Variants in GRK4 observed in about 807,000 individuals in gnomAD.
GRK4 encodes G protein-coupled receptor kinase 2-like.
A neutral mutation model predicts 77.9 loss-of-function variants in GRK4; 73 were observed. The observed-to-expected ratio is 0.94, with a 90% CI of 0.78 to 1.14. The LOEUF is 1.14. Ranked by LOEUF, GRK4 falls within the 50% of genes most tolerant of loss-of-function variation. GRK4 has a pLI of 0.00. For synonymous variants in GRK4, 257 were observed against 254.4 expected, an observed-to-expected ratio of 1.01 and a Z score of -0.10; for missense variants, 729 against 700.2, an observed-to-expected ratio of 1.04 and a Z score of -0.46.
intron 7 of GRK4, among the ~76,000 whole-genome samples, chr4:3,012,267 G>A (rs1352919510): frequency 1.3e-5 from 2 of 152,130 alleles, no homozygotes; most frequent in Non-Finnish European, 1.5e-5. Flanking sequence ...AACATTTCAC[G>A]ATAGGAAAAT....
At chr4:2,971,129 T>C (rs1202008604) in intron 1 of GRK4, 1 of 152,218 alleles carries the variant, frequency 6.6e-6, no homozygotes, top group Non-Finnish European at 1.5e-5. Context: ...ACATTTACGG[T>C]ATTTTGTACA....
intron 12 of GRK4, among the ~76,000 whole-genome samples, chr4:3,031,839 C>A (rs746641764): frequency 2.0e-5 from 3 of 152,112 alleles, no homozygotes; most frequent in Non-Finnish European, 4.4e-5. Context: ...GCCACAGGAC[C>A]AAGCAGCCAG....
intron 4 of GRK4, among the ~76,000 whole-genome samples, chr4:2,997,330 C>T (rs1439114781): frequency 6.6e-6 from 1 of 152,168 alleles, no homozygotes; most frequent in African/African-American, 2.4e-5. Flanking sequence ...TTAAAAACCA[C>T]ATGATTATCT....
rs544949594 is a variant in GRK4, at chr4:3,004,863, G to A, written c.443+529G>A. Among the ~76,000 whole-genome samples, 119 of 151,954 alleles carry A rather than the reference G, an allele frequency of 7.8e-4. 1 individual carries two copies. The highest frequency in any genetic ancestry group is 2.8e-3 in the African/African-American group (116 of 41,428). On this transcript the variant is annotated intron_variant, in intron 5 of 15. Transcript: ENST00000398052. ...TAAGTGGCTCCTGGCGTCTCAACCC[G>A]CATTGTTCAAGGGTCAACTGTACTT...
intron 1 of GRK4, among the ~76,000 whole-genome samples, chr4:2,967,107 A>T (rs1376361241): frequency 6.6e-6 from 1 of 152,256 alleles, no homozygotes; most frequent in Admixed American, 6.5e-5. Flanking sequence ...ACACAGAAAG[A>T]AGATGCCAGC....
chr4:2,979,523 G>A (rs1210452980), intron 1 of GRK4, among the ~76,000 whole-genome samples: 17 of 152,032 alleles, frequency 1.1e-4, no homozygotes, highest in Non-Finnish European at 2.1e-4. Flanking sequence ...AGACCAGCCT[G>A]ACCAACATGG....
At position 3,005,858 on chromosome 4, in the gene GRK4, G is replaced by T. The variant is rs551157206; in HGVS notation, c.443+1524G>T. 9.9e-4 allele frequency among the ~76,000 whole-genome samples: 150 copies of T among 152,042 alleles called. 1 individual carries two copies. Among genetic ancestry groups the T allele is most frequent in the Non-Finnish European group, 1.8e-3 (120 of 67,974 alleles). ...AAACAAGGCTTTCTCTCTCTATCTG[G>T]CTTTCTCTTGAGGTGTGGCTTCTCT... is the stretch of plus-strand genomic sequence containing the variant. On this transcript the variant is annotated intron_variant, in intron 5 of 15. Coordinates refer to ENST00000398052, the MANE Select transcript of GRK4 (RefSeq NM_182982.3).
intron 2 of GRK4, among the ~76,000 whole-genome samples, chr4:2,986,622 G>A (rs1381730043): frequency 6.6e-6 from 1 of 151,806 alleles, no homozygotes; most frequent in Non-Finnish European, 1.5e-5. Context: ...CCAAAGTGCT[G>A]GGATTACAGA....
intron 1 of GRK4, among the ~76,000 whole-genome samples, chr4:2,969,479 C>T (rs149157776): frequency 8.4e-4 from 127 of 151,442 alleles, no homozygotes; most frequent in African/African-American, 2.9e-3. Flanking sequence ...TGGGTTCAAG[C>T]GATTCTCCTG....
intron 1 of GRK4, among the ~76,000 whole-genome samples, chr4:2,976,630 T>C (rs963559534): frequency 1.3e-5 from 2 of 149,352 alleles, no homozygotes; most frequent in Admixed American, 6.7e-5. Flanking sequence ...TTTCTTTCTT[T>C]CTTTTTTTTT....
intron 1 of GRK4, among the ~76,000 whole-genome samples, chr4:2,975,562 C>T (rs1035306400): frequency 2.0e-5 from 3 of 152,138 alleles, no homozygotes; most frequent in African/African-American, 7.2e-5. Context: ...CCCAGTTCTG[C>T]CCTCACCTGT....
At chr4:3,023,448 G>A (rs1027823354) in intron 10 of GRK4, among the ~76,000 whole-genome samples, 19 of 152,214 alleles carry the variant, frequency 1.2e-4, no homozygotes, top group African/African-American at 3.6e-4. Flanking sequence ...GAGGACAGGC[G>A]TCTAAGGCGG....
rs1487954750 is a variant in GRK4 at position 2,963,664 on chromosome 4, G to T, written c.-407G>T. 2.8e-6 allele frequency: 1 copy of T among 361,210 alleles called. No homozygotes were observed. The highest frequency in any genetic ancestry group is 5.0e-6 in the Non-Finnish European group (1 of 201,998). The allele number at this position is 361,210 out of a possible 1,614,324, so 22.4% of individuals were successfully genotyped here. A position where few individuals can be genotyped will look rare whatever the true frequency, so the allele number is the denominator to read the frequency against. ...GGGAGCGGGTCGCCGGCCGCGGCGG[G>T]CGCCCCTGCCAGTGAGCCCCTGTCC... On this transcript the variant is annotated 5_prime_UTR_variant, in exon 1 of 16. Transcript: ENST00000398052.
chr4:3,028,598 A>T (rs1738272841), intron 11 of GRK4, among the ~76,000 whole-genome samples: 1 of 152,206 alleles, frequency 6.6e-6, no homozygotes, highest in African/African-American at 2.4e-5. Flanking sequence ...TCCCTTGTGA[A>T]TGTGACTCTG....
At chr4:3,037,044 G>GGGGTGTGT (rs1553904179) in intron 13 of GRK4, among the ~76,000 whole-genome samples, 22 of 144,274 alleles carry the variant, frequency 1.5e-4, no homozygotes, top group Admixed American at 6.9e-4. Flanking sequence ...CCTCAGGAGG[G>GGGGTGTGT]GTGTGTGTGT....
At chr4:2,977,715 A>G (rs953373679) in intron 1 of GRK4, among the ~76,000 whole-genome samples, 5 of 152,014 alleles carry the variant, frequency 3.3e-5, no homozygotes, top group African/African-American at 1.2e-4. Context: ...CGGTCCATCT[A>G]CGAAACAAAG....
intron 1 of GRK4, among the ~76,000 whole-genome samples, chr4:2,973,151 T>G (rs1199588498): frequency 1.3e-5 from 2 of 152,256 alleles, no homozygotes; most frequent in Non-Finnish European, 2.9e-5. Flanking sequence ...TTCTTGGTCC[T>G]TGTCTTGCTG....
chr4:3,029,478 T>C (rs1365444618), intron 12 of GRK4, 69 bp downstream of exon 12: 4 of 1,387,896 alleles, frequency 2.9e-6, no homozygotes, highest in African/African-American at 2.9e-5. Context: ...CACTGGCAGC[T>C]ATAACAAAAA....
chr4:2,966,391 G>A (rs1717709283), intron 1 of GRK4: 1 of 151,200 alleles, frequency 6.6e-6, no homozygotes, highest in Admixed American at 6.6e-5. Flanking sequence ...CAGCCTGGGT[G>A]ACAGAGCGAG....
Sources: gnomAD v4.1 joint callset for allele counts (sites outside exome capture counted in the v4.1 genomes callset) on GRCh38, gnomAD v4.1.1 for gene constraint, MANE v1.5 for transcripts, NCBI Gene and HGNC (gene_info 2026-07-23, HGNC 2026-07-21) for gene names.